The following UCHL5 variants were observed in gnomAD, a reference collection of about 807,000 sequenced individuals.
UCHL5 encodes ubiquitin carboxyl-terminal hydrolase isozyme L5.
Under a neutral mutation model 53.8 loss-of-function variants are expected in UCHL5, and 34 were observed. That is an observed-to-expected ratio of 0.63 (90% CI 0.48 to 0.84). The LOEUF (loss-of-function observed/expected upper bound fraction) is 0.84, where lower values mean the gene tolerates loss of function less well. Ranked by LOEUF, UCHL5 falls within the 40% of genes least tolerant of loss-of-function variation. The pLI, the probability that UCHL5 is intolerant of heterozygous loss-of-function variation, is 0.00. For synonymous variants in UCHL5, 111 were observed against 126.3 expected (o/e 0.88, Z 0.81); for missense variants, 290 against 385.6 (o/e 0.75, Z 2.08).
At chr1:193,021,838 G>A (rs1180472153) in intron 9 of UCHL5, among the ~76,000 whole-genome samples, 1 of 151,970 alleles carries the variant, frequency 6.6e-6, no homozygotes, top group East Asian at 1.9e-4. Flanking sequence ...AGTTCCTTCA[G>A]TTAATTAATT....
chr1:193,049,060 AT>A (rs1668214741), intron 3 of UCHL5, among the ~76,000 whole-genome samples: 1 of 151,848 alleles, frequency 6.6e-6, no homozygotes, highest in Admixed American at 6.6e-5. Flanking sequence ...CAGCTAATTT[AT>A]TTTTTTGTTT....
At position 193,033,292 on chromosome 1, in the gene UCHL5, C is replaced by T. The variant is rs553516015; in HGVS notation, c.247-3635G>A. ...TAACACAGGAACAGAAAACCAAACA[C>T]CACATGTTCTCACTCGTAAGCGGGA... is the stretch of plus-strand genomic sequence containing the variant. On this transcript the variant is annotated intron_variant, in intron 3 of 10. Coordinates refer to ENST00000367454, the MANE Select transcript of UCHL5 (RefSeq NM_001199261.3). Among the ~76,000 whole-genome samples the T allele has an allele frequency of 8.5e-5, 13 of 152,212 alleles. No individual in the cohort carries two copies. The East Asian group carries it at 1.7e-3, about 20-fold the overall frequency.
At chr1:193,035,626 T>C (rs1026167721) in intron 3 of UCHL5, among the ~76,000 whole-genome samples, 4 of 151,950 alleles carry the variant, frequency 2.6e-5, no homozygotes, top group Non-Finnish European at 4.4e-5. Context: ...AAAAAAACAC[T>C]AATGCGCAAA....
chr1:193,020,464 G>A (rs72738589), intron 10 of UCHL5: 60,550 of 1,533,560 alleles, frequency 0.039, 1,387 homozygotes, highest in Non-Finnish European at 0.046. Flanking sequence ...TATCTGGGGA[G>A]GGGCCAGGTA....
At chr1:193,028,891 AG>A (rs1218472054) in intron 6 of UCHL5, among the ~76,000 whole-genome samples, 1 of 152,166 alleles carries the variant, frequency 6.6e-6, no homozygotes, top group Non-Finnish European at 1.5e-5. Flanking sequence ...ACGTTCACTA[AG>A]GGTAGTTTTT....
chr1:193,054,979 G>GT (rs910006708), intron 1 of UCHL5, among the ~76,000 whole-genome samples: 1 of 152,106 alleles, frequency 6.6e-6, no homozygotes, highest in Non-Finnish European at 1.5e-5. Flanking sequence ...AAGCCATCTA[G>GT]TTTTTTTACT....
rs1668439453 is a variant in UCHL5, at chr1:193,049,797, T to G, written c.195A>C (p.Ala65=). Residue 65 remains alanine, a synonymous_variant, in exon 3 of 11, where the codon GCA becomes GCC. Transcript: ENST00000367454. ...GTCGGGAGTCCTGAACCACAGAGCC[T>G]GCTGGTTCTTCTCCTGGCTGCCACT... ...LFKWQPGEEP[A]GSVVQDSRLD... is the part of the protein sequence containing the mutation. The G allele has an allele frequency of 6.2e-7, 1 of 1,612,732 alleles. No individual in the cohort carries two copies. The highest frequency in any genetic ancestry group is 1.3e-5 in the African/African-American group (1 of 74,878).
chr1:193,028,058 T>C (rs536232550), intron 7 of UCHL5, 27 bp downstream of exon 7: 19 of 1,599,280 alleles, frequency 1.2e-5, no homozygotes, highest in South Asian at 2.3e-5. Context: ...CAGAATATTA[T>C]GCCAATGAGA....
chr1:193,025,477 T>C (rs944406809), intron 7 of UCHL5, among the ~76,000 whole-genome samples: 3 of 152,230 alleles, frequency 2.0e-5, no homozygotes, highest in Non-Finnish European at 2.9e-5. Flanking sequence ...TGCCATCCAG[T>C]GGCAAAGTAG....
intron 9 of UCHL5, among the ~76,000 whole-genome samples, chr1:193,021,599 A>C (rs1022153855): frequency 1.3e-5 from 2 of 152,168 alleles, no homozygotes; most frequent in Admixed American, 6.5e-5. Flanking sequence ...TTTTTTATCG[A>C]AAGGGGGTAC....
chr1:193,050,435 C>T (rs1268350579), intron 2 of UCHL5, among the ~76,000 whole-genome samples: 1 of 152,068 alleles, frequency 6.6e-6, no homozygotes, highest in Non-Finnish European at 1.5e-5. Context: ...CCACAAAAAA[C>T]TTTTCCTATC....
At position 193,042,249 on chromosome 1, in the gene UCHL5, G is replaced by T. The variant is rs75326607; in HGVS notation, c.246+7497C>A. 2.2e-3 allele frequency among the ~76,000 whole-genome samples: 341 copies of T among 152,244 alleles called. 1 individual carries two copies. Among genetic ancestry groups the T allele is most frequent in the African/African-American group, 7.6e-3 (317 of 41,542 alleles). ...ATGATAAACAGAATTCAACATAAGGGTTACACTGGATGGAGAGAGGGAAGA... is the reference window on the plus strand; with the variant it reads ...ATGATAAACAGAATTCAACATAAGGTTTACACTGGATGGAGAGAGGGAAGA... On this transcript the variant is annotated intron_variant, in intron 3 of 10. Coordinates refer to ENST00000367454, the MANE Select transcript of UCHL5 (RefSeq NM_001199261.3).
intron 3 of UCHL5, among the ~76,000 whole-genome samples, chr1:193,039,334 T>C (rs1234020699): frequency 6.6e-6 from 1 of 152,054 alleles, no homozygotes; most frequent in Non-Finnish European, 1.5e-5. Flanking sequence ...AGCTTGAACC[T>C]GGGAGGCAAG....
chr1:193,029,236 G>A lies in UCHL5; in HGVS notation c.508C>T (p.Pro170Ser). Residue 170 changes from proline (P) to serine (S), a missense_variant, in exon 6 of 11, where the codon CCT (proline) becomes TCT (serine). By Grantham distance (74) the Pro-to-Ser change is moderately conservative. Coordinates refer to ENST00000367454, the MANE Select transcript of UCHL5 (RefSeq NM_001199261.3). ...AATTCATACAGTCTCCCATTAACAG[G>A]AACATAACTGACAAAGTGAAAAGCA... Reference protein sequence around the residue: ...EDAFHFVSYVPVNGRLYELDG... With the variant: ...EDAFHFVSYVSVNGRLYELDG... The A allele has an allele frequency of 6.2e-7, 1 of 1,613,732 alleles. No individual in the cohort carries two copies. The highest frequency in any genetic ancestry group is 8.5e-7 in the Non-Finnish European group (1 of 1,179,810).
At chr1:193,026,707 A>T (rs1195990227) in intron 7 of UCHL5, among the ~76,000 whole-genome samples, 1 of 152,190 alleles carries the variant, frequency 6.6e-6, no homozygotes, top group South Asian at 2.1e-4. Flanking sequence ...AAAAAAAAAA[A>T]AATATCCATT....
chr1:193,030,356 C>T (rs1335152581), intron 3 of UCHL5, among the ~76,000 whole-genome samples: 1 of 152,186 alleles, frequency 6.6e-6, no homozygotes, highest in African/African-American at 2.4e-5. Flanking sequence ...TTATCATCTT[C>T]ATTTTAAATT....
intron 1 of UCHL5, 93 bp from the exon 2 acceptor site, chr1:193,051,910 T>C (rs2102867428): frequency 3.3e-6 from 3 of 899,028 alleles, no homozygotes; most frequent in Non-Finnish European, 1.7e-6. Context: ...ATGCAACACA[T>C]GACAAAACAA....
chr1:193,018,917 C>A, intron 10 of UCHL5: 1 of 871,942 alleles, frequency 1.1e-6, no homozygotes, highest in Admixed American at 3.3e-5. Flanking sequence ...AAGTAATTAA[C>A]TATCACTGGT....
chr1:193,034,907 C>G, intron 3 of UCHL5, among the ~76,000 whole-genome samples: 1 of 151,868 alleles, frequency 6.6e-6, no homozygotes, highest in Non-Finnish European at 1.5e-5. Flanking sequence ...TCATAATAAA[C>G]ACACTAATTA....
Sources: gnomAD v4.1 joint callset for allele counts (sites outside exome capture counted in the v4.1 genomes callset) on GRCh38, gnomAD v4.1.1 for gene constraint, MANE v1.5 for transcripts, NCBI Gene and HGNC (gene_info 2026-07-23, HGNC 2026-07-21) for gene names.